The following SLC15A2 variants were observed in gnomAD, a reference collection of about 807,000 sequenced individuals.
The protein encoded by SLC15A2 is kidney H(+)/peptide cotransporter.
A neutral mutation model predicts 95.5 loss-of-function variants in SLC15A2; 77 were observed. The observed-to-expected ratio is 0.81, with a 90% CI of 0.67 to 0.97. The LOEUF is 0.97. Among genes scored for constraint, SLC15A2 ranks in the 50% least tolerant of loss-of-function variants. The probability of loss-of-function intolerance (pLI) is 0.00; values close to 1 mark genes in which losing one functional copy is unlikely to be tolerated. For missense variants in SLC15A2, 893 were observed against 874.4 expected (o/e 1.02, Z -0.27); for synonymous variants, 306 against 306.9 (o/e 1.00, Z 0.03).
rs1238586346 is a variant in SLC15A2, at chr3:121,937,893, G to GT, written c.1762-1452dup. 3.4e-3 allele frequency among the ~76,000 whole-genome samples: 515 copies of GT among 151,610 alleles called. 4 individuals carry two copies. The highest frequency in any genetic ancestry group is 0.011 in the African/African-American group (466 of 41,378). On this transcript the variant is annotated intron_variant, in intron 19 of 21. Transcript: ENST00000489711. ...GTTCTGTTTTTTCCCCATCTTTGTGGTTTTATCTACTTTTGGTCTTTGATG... is the reference window on the plus strand; with the variant it reads ...GTTCTGTTTTTTCCCCATCTTTGTGGTTTTTATCTACTTTTGGTCTTTGATG...
At chr3:121,912,138 TTACA>T (rs1709779626) in intron 4 of SLC15A2, among the ~76,000 whole-genome samples, 1 of 152,200 alleles carries the variant, frequency 6.6e-6, no homozygotes, top group Non-Finnish European at 1.5e-5. Context: ...GTAGAGAGGA[TTACA>T]GCTGTTCACA....
At chr3:121,901,970 A>G (rs1345780499) in intron 3 of SLC15A2, among the ~76,000 whole-genome samples, 1 of 152,178 alleles carries the variant, frequency 6.6e-6, no homozygotes, top group Admixed American at 6.5e-5. Context: ...GAAGTTAGTA[A>G]ACAACTTCTA....
rs35492489 is a variant in SLC15A2 at position 121,910,192 on chromosome 3, C to CTTT, written c.336-1363_336-1361dup. Among the ~76,000 whole-genome samples, 52 of 126,954 alleles carry CTTT rather than the reference C, an allele frequency of 4.1e-4. 3 individuals are homozygous for CTTT. Among genetic ancestry groups the CTTT allele is most frequent in the Non-Finnish European group, 5.2e-4 (32 of 61,508 alleles). 83.3% of individuals were successfully genotyped at this position (126,954 alleles called of 152,430 possible). A position where few individuals can be genotyped will look rare whatever the true frequency, so the allele number is the denominator to read the frequency against. ...AATTAGTCCTAGATTAGTCACCTAA[C>CTTT]TTTTTTTTTTTTTTTTTTTTTGAGA... On this transcript the variant is annotated intron_variant, in intron 3 of 21. Transcript: ENST00000489711.
intron 3 of SLC15A2, 109 bp downstream of exon 3, chr3:121,897,638 A>G: frequency 9.1e-7 from 1 of 1,094,430 alleles, no homozygotes. Flanking sequence ...CATGCGTGAA[A>G]AATAAGAATC....
At chr3:121,902,723 T>C (rs1038913498) in intron 3 of SLC15A2, among the ~76,000 whole-genome samples, 3 of 152,248 alleles carry the variant, frequency 2.0e-5, no homozygotes, top group African/African-American at 7.2e-5. Flanking sequence ...TATTCCATGG[T>C]GTATATGTGC....
chr3:121,911,735 C>A, intron 4 of SLC15A2, 69 bp downstream of exon 4: 1 of 1,050,206 alleles, frequency 9.5e-7, no homozygotes, highest in Non-Finnish European at 1.5e-6. Flanking sequence ...TTTCTGTTTT[C>A]TTACCAGAGA....
chr3:121,898,607 C>T (rs1396583481), intron 3 of SLC15A2, among the ~76,000 whole-genome samples: 1 of 152,120 alleles, frequency 6.6e-6, no homozygotes, highest in African/African-American at 2.4e-5. Context: ...GAAAATAAAG[C>T]TCTTGTGGTC....
intron 7 of SLC15A2, among the ~76,000 whole-genome samples, chr3:121,921,416 G>GT (rs1710003095): frequency 6.6e-6 from 1 of 151,606 alleles, no homozygotes; most frequent in South Asian, 2.1e-4. Flanking sequence ...CAAAAGTCCA[G>GT]TTCTGGTATC....
intron 5 of SLC15A2, among the ~76,000 whole-genome samples, chr3:121,913,890 T>C (rs1158611498): frequency 6.6e-6 from 1 of 152,170 alleles, no homozygotes; most frequent in Non-Finnish European, 1.5e-5. Flanking sequence ...TAACTGTTTA[T>C]CTTTTTTCCA....
rs772373717 is a variant in SLC15A2, at chr3:121,927,803, A to G, written c.1170A>G (p.Ala390=). 2.5e-5 allele frequency: 40 copies of G among 1,613,888 alleles called. No individual in the cohort carries two copies. The highest frequency in any genetic ancestry group is 3.3e-5 in the Non-Finnish European group (39 of 1,179,874). ...TTGGTATGATCCTAGCATGCCTGGC[A>G]TTTGCAGTTGCGGCAGCTGTAGAGA... ...MAVGMILACL[A]FAVAAAVEIK... Residue 390 remains alanine, a synonymous_variant, in exon 14 of 22, where the codon GCA becomes GCG. Coordinates refer to ENST00000489711, the MANE Select transcript of SLC15A2 (RefSeq NM_021082.4).
intron 19 of SLC15A2, among the ~76,000 whole-genome samples, chr3:121,934,424 C>T (rs1342121766): frequency 6.6e-6 from 1 of 151,270 alleles, no homozygotes. Flanking sequence ...TTGTTTGTAT[C>T]CTCTTTTATT....
rs1257848027 is a variant in SLC15A2 at position 121,930,949 on chromosome 3, G to A, written c.1663G>A (p.Glu555Lys). ...VSAYRTVQRG[E>K]YPAVHCRTED... The stretch of plus-strand genomic sequence containing the variant: ...TGCTTATAGAACTGTGCAAAGAGGA[G>A]AGTAAGTGCATTGCCCCTGTGGACA... Residue 555 changes from glutamate to lysine, a missense_variant and splice_region_variant, in exon 18 of 22, where the codon GAA (glutamate) becomes AAA (lysine). Transcript: ENST00000489711. 1.3e-6 allele frequency: 2 copies of A among 1,582,142 alleles called. No individual in the cohort carries two copies. Among genetic ancestry groups the A allele is most frequent in the Non-Finnish European group, 1.7e-6 (2 of 1,151,306 alleles).
At chr3:121,924,579 C>G (rs966549328) in intron 12 of SLC15A2, among the ~76,000 whole-genome samples, 196 bp downstream of exon 12, 1 of 142,130 alleles carries the variant, frequency 7.0e-6, no homozygotes, top group Admixed American at 6.9e-5. Context: ...TAACTTGCAA[C>G]GGGTTAAGTG....
At chr3:121,921,227 T>C (rs971014305) in intron 7 of SLC15A2, among the ~76,000 whole-genome samples, 1 of 152,156 alleles carries the variant, frequency 6.6e-6, no homozygotes, top group Non-Finnish European at 1.5e-5. Context: ...CTCAAAAAGA[T>C]AGATGAAATA....
At chr3:121,915,067 C>A in intron 5 of SLC15A2, 160 bp from the exon 6 acceptor site, 4 of 1,211,606 alleles carry the variant, frequency 3.3e-6, no homozygotes, top group Admixed American at 2.5e-5. Flanking sequence ...GGTCAGCCAG[C>A]AATGTTTTTA....
In SLC15A2 at chr3:121,911,645, TG is replaced by T; in HGVS notation, c.410del (p.Gly137GlufsTer11). On this transcript the variant is annotated frameshift_variant, in exon 4 of 22. Coordinates refer to ENST00000489711, the MANE Select transcript of SLC15A2 (RefSeq NM_021082.4). LOFTEE classifies it high-confidence loss of function. ...AAGTCCTTGGGTGCCTTACCAATACTGGGAGGACAAGTGGTACACACGTGAG... is the reference window on the plus strand; with the variant it reads ...AAGTCCTTGGGTGCCTTACCAATACTGGAGGACAAGTGGTACACACGTGAG... ...VIKSLGALPI[L>X]GGQVVHTVLS... 9 of 1,612,496 alleles carry T rather than the reference TG, an allele frequency of 5.6e-6. No homozygotes were observed. The highest frequency in any genetic ancestry group is 7.6e-6 in the Non-Finnish European group (9 of 1,178,516).
At chr3:121,926,781 C>T (rs1271372306) in intron 13 of SLC15A2, among the ~76,000 whole-genome samples, 1 of 152,220 alleles carries the variant, frequency 6.6e-6, no homozygotes, top group African/African-American at 2.4e-5. Context: ...TGGAAAACCA[C>T]GGGCACTCAA....
Position 121,911,564 on chromosome 3 carries a change from C to T in SLC15A2, c.336-10C>T. On this transcript the variant is annotated splice_polypyrimidine_tract_variant and intron_variant, in intron 3 of 21. Coordinates refer to ENST00000489711, the MANE Select transcript of SLC15A2 (RefSeq NM_021082.4). ...TGGTTTTAGACTGACTGATTTAGCT[C>T]TCTCAACAGGACAATCATCTATCTC... The T allele has an allele frequency of 6.2e-7, 1 of 1,604,340 alleles. No individual in the cohort carries two copies. Among genetic ancestry groups the T allele is most frequent in the Non-Finnish European group, 8.5e-7 (1 of 1,171,172 alleles).
chr3:121,934,126 C>A (rs1335394346), intron 19 of SLC15A2, among the ~76,000 whole-genome samples: 1 of 152,164 alleles, frequency 6.6e-6, no homozygotes, highest in Non-Finnish European at 1.5e-5. Flanking sequence ...ATCTATATCT[C>A]TGTTTTGGTA....
Sources: allele counts gnomAD v4.1 joint callset (sites outside exome capture counted in the v4.1 genomes callset), GRCh38; gene constraint gnomAD v4.1.1; transcripts MANE v1.5; gene names NCBI Gene and HGNC (gene_info 2026-07-23, HGNC 2026-07-21).